SIRPA: variants seen among roughly 807,000 people sequenced by gnomAD.
SIRPA encodes tyrosine-protein phosphatase non-receptor type substrate 1.
In SIRPA, 9 loss-of-function variants were observed where a neutral mutation model predicts 50.3. The ratio of observed to expected loss-of-function variants is 0.18; its 90% CI spans 0.11 to 0.31. The LOEUF is 0.31. SIRPA is among the 10% of genes least tolerant of loss of function. The pLI is 1.00. For missense variants in SIRPA, 474 were observed against 661.6 expected (o/e 0.72, Z 3.11); for synonymous variants, 265 against 284.1 (o/e 0.93, Z 0.68).
In SIRPA at chr20:1,895,524, C is replaced by T; in HGVS notation, c.77C>T (p.Ser26Leu). ...CTGCTCGCCGCGTCCTGCGCCTGGT[C>T]AGGTAAGCACCCCCCCGCTCCCCAC... ...CLLLAASCAW[S>L]GVAGEEELQV... is the part of the protein sequence containing the mutation. The change falls in exon 1 of 8, where the codon TCA becomes TTA. Residue 26 changes from serine (S) to leucine (L), a missense_variant and splice_region_variant. Ser to Leu is a moderately radical substitution (Grantham distance 145, BLOSUM62 -2). Around this residue, in one of 4 missense-constraint regions of SIRPA, gnomAD observed 72 missense variants for 76.2 expected, o/e 0.94. Coordinates refer to ENST00000358771, the MANE Select transcript of SIRPA (RefSeq NM_001040023.2). The T allele has an allele frequency of 6.9e-7, 1 of 1,452,972 alleles. No individual in the cohort carries two copies. Among genetic ancestry groups the T allele is most frequent in the Middle Eastern group, 1.8e-4 (1 of 5,454 alleles). 90.0% of individuals were successfully genotyped at this position (1,452,972 alleles called of 1,614,324 possible). A position where few individuals can be genotyped will look rare whatever the true frequency, so the allele number is the denominator to read the frequency against.
At chr20:1,905,858 C>T (rs1487179423) in intron 1 of SIRPA, among the ~76,000 whole-genome samples, 1 of 152,244 alleles carries the variant, frequency 6.6e-6, no homozygotes, top group Non-Finnish European at 1.5e-5. Context: ...GCAAATGCTC[C>T]ATAGGGCTCC....
At chr20:1,909,814 T>C (rs1984781250) in intron 1 of SIRPA, among the ~76,000 whole-genome samples, 1 of 152,200 alleles carries the variant, frequency 6.6e-6, no homozygotes, top group Admixed American at 6.5e-5. Context: ...TGCTAATTTT[T>C]TTCACCCTTT....
At position 1,938,022 on chromosome 20, in the gene SIRPA, A is replaced by G. The variant is rs945362149; in HGVS notation, c.*454A>G. 2.4e-5 allele frequency: 3 copies of G among 125,300 alleles called. No individual in the cohort carries two copies. The highest frequency in any genetic ancestry group is 4.6e-5 in the Non-Finnish European group (3 of 64,528). The allele number at this position is 125,300 out of a possible 1,614,324, so 7.8% of individuals were successfully genotyped here. ...CACCACCACCACCACTACCACCACCACCCAACTGGGGCTAGAGTGGGGAAG... is the reference window on the plus strand; with the variant it reads ...CACCACCACCACCACTACCACCACCGCCCAACTGGGGCTAGAGTGGGGAAG... On this transcript the variant is annotated 3_prime_UTR_variant, in exon 8 of 8. Coordinates refer to ENST00000358771, the MANE Select transcript of SIRPA (RefSeq NM_001040023.2).
intron 2 of SIRPA, among the ~76,000 whole-genome samples, chr20:1,920,600 A>G (rs1286940538): frequency 6.6e-6 from 1 of 152,216 alleles, no homozygotes; most frequent in Non-Finnish European, 1.5e-5. Flanking sequence ...TTTAGTGTCT[A>G]TCTAAAACTG....
At chr20:1,929,459 G>A (rs1288926486) in intron 6 of SIRPA, among the ~76,000 whole-genome samples, 2 of 152,126 alleles carry the variant, frequency 1.3e-5, no homozygotes, top group African/African-American at 4.8e-5. Context: ...CTGAGTTGGG[G>A]GGTGCAGGTG....
Position 1,927,793 on chromosome 20 carries a change from C to G in SIRPA, c.1202-82C>G. ...CATTTCCTCTCCATGTCCCTGGAGG[C>G]AAACCTTTTGCCAAAAAATAGTTAC... On this transcript the variant is annotated intron_variant, in intron 5 of 7. Transcript: ENST00000358771. This position sits in a 1 kb window ranked among gnomAD's most constrained non-coding sequence, Gnocchi z 6.5. 1 of 1,321,430 alleles carries G rather than the reference C, an allele frequency of 7.6e-7. No individual in the cohort carries two copies. Among genetic ancestry groups the G allele is most frequent in the Non-Finnish European group, 1.1e-6 (1 of 913,528 alleles). The allele number at this position is 1,321,430 out of a possible 1,614,324, so 81.9% of individuals were successfully genotyped here. A position where few individuals can be genotyped will look rare whatever the true frequency, so the allele number is the denominator to read the frequency against.
rs1986766208 is a variant in SIRPA at position 1,939,402 on chromosome 20, A to G, written c.*1834A>G. ...ATCCAGGAATTAGCTGAGCCAACAG[A>G]CCATGTGGACAGCTTTGGCCAGAGC... On this transcript the variant is annotated 3_prime_UTR_variant, in exon 8 of 8. Coordinates refer to ENST00000358771, the MANE Select transcript of SIRPA (RefSeq NM_001040023.2). The surrounding 1 kb of genome is among the most constrained non-coding windows in gnomAD (Gnocchi z 4.7). 1 of 152,168 alleles carries G rather than the reference A, an allele frequency of 6.6e-6. No homozygotes were observed. The highest frequency in any genetic ancestry group is 1.5e-5 in the Non-Finnish European group (1 of 68,018). The allele number at this position is 152,168 out of a possible 1,614,324, so 9.4% of individuals were successfully genotyped here.
intron 5 of SIRPA, among the ~76,000 whole-genome samples, chr20:1,926,243 C>T (rs890487191): frequency 6.6e-6 from 1 of 152,272 alleles, no homozygotes; most frequent in South Asian, 2.1e-4. Context: ...AGACGTCTAC[C>T]CAATGGGTTC....
At chr20:1,905,577 G>A (rs1001293160) in intron 1 of SIRPA, among the ~76,000 whole-genome samples, 2 of 152,158 alleles carry the variant, frequency 1.3e-5, no homozygotes, top group Non-Finnish European at 2.9e-5. Flanking sequence ...AGATTGGGAG[G>A]ACCTCCCAAC....
At chr20:1,913,562 G>A (rs1283815221) in intron 1 of SIRPA, among the ~76,000 whole-genome samples, 2 of 152,174 alleles carry the variant, frequency 1.3e-5, no homozygotes, top group Non-Finnish European at 2.9e-5. Flanking sequence ...GTCACATGAA[G>A]GGTCAGTGGA....
intron 1 of SIRPA, among the ~76,000 whole-genome samples, chr20:1,903,022 A>AG (rs1281619736): frequency 3.6e-4 from 50 of 139,406 alleles, no homozygotes; most frequent in African/African-American, 1.3e-3. Flanking sequence ...AAAAAAAAAA[A>AG]AAAAAAAAAA....
In SIRPA at chr20:1,937,442, G is replaced by A. The variant is rs200783814; in HGVS notation, c.1389G>A (p.Ala463=). 486 of 1,614,080 alleles carry A rather than the reference G, an allele frequency of 3.0e-4. 1 individual carries two copies. Among genetic ancestry groups the A allele is most frequent in the Middle Eastern group, 1.3e-3 (8 of 6,062 alleles). Residue 463 remains alanine, a synonymous_variant, in exon 8 of 8, where the codon GCG becomes GCA. Transcript: ENST00000358771. The surrounding 1 kb of genome is among the most constrained non-coding windows in gnomAD (Gnocchi z 8.3). The part of the protein sequence containing the change: ...YASIQTSPQP[A]SEDTLTYADL... ...GCATTCAGACCAGCCCGCAGCCCGC[G>A]TCGGAGGACACCCTCACCTATGCTG...
chr20:1,908,706 T>C (rs545615747), intron 1 of SIRPA, among the ~76,000 whole-genome samples: 20 of 152,340 alleles, frequency 1.3e-4, no homozygotes, highest in Admixed American at 1.3e-3. Flanking sequence ...CACACTCATG[T>C]TCACATGTTC....
At chr20:1,919,287 G>A (rs1422483908) in intron 2 of SIRPA, among the ~76,000 whole-genome samples, 1 of 152,262 alleles carries the variant, frequency 6.6e-6, no homozygotes, top group African/African-American at 2.4e-5. Context: ...GGCATCTAAA[G>A]TTTTTAATTA....
At position 1,933,398 on chromosome 20, in the gene SIRPA, G is replaced by GCCCC. The variant is rs1170841693; in HGVS notation, c.1227-1315_1227-1314insCCCC. Among the ~76,000 whole-genome samples the GCCCC allele has an allele frequency of 7.6e-5, 9 of 119,114 alleles. No individual in the cohort carries two copies. The highest frequency in any genetic ancestry group is 1.0e-4 in the African/African-American group (3 of 29,020). The allele number at this position is 119,114 out of a possible 152,430, so 78.1% of individuals were successfully genotyped here. A position where few individuals can be genotyped will look rare whatever the true frequency, so the allele number is the denominator to read the frequency against. ...AAGCATGAAGTACATAACATCAAAT[G>GCCCC]CCACCCCCCCCCCGAAATATCTGGT... is the stretch of plus-strand genomic sequence containing the variant. On this transcript the variant is annotated intron_variant, in intron 6 of 7. Transcript: ENST00000358771. The surrounding 1 kb of genome is among the most constrained non-coding windows in gnomAD (Gnocchi z 4.4).
rs921703010 is a variant in SIRPA at position 1,934,259 on chromosome 20, CTTGACAAATGCCTTTGTG to C, written c.1227-451_1227-434del. Among the ~76,000 whole-genome samples the C allele has an allele frequency of 6.6e-6, 1 of 152,182 alleles. No individual in the cohort carries two copies. Among genetic ancestry groups the C allele is most frequent in the Non-Finnish European group, 1.5e-5 (1 of 68,022 alleles). On this transcript the variant is annotated intron_variant, in intron 6 of 7. Transcript: ENST00000358771. This position sits in a 1 kb window ranked among gnomAD's most constrained non-coding sequence, Gnocchi z 4.6. ...CATAAACCTCCTCCCCCATCCAGCC[CTTGACAAATGCCTTTGTG>C]TTGAAAGCTTTTTCTATATTTTGAA... is the stretch of plus-strand genomic sequence containing the variant.
chr20:1,899,375 G>A (rs1984028002), intron 1 of SIRPA, among the ~76,000 whole-genome samples: 1 of 152,116 alleles, frequency 6.6e-6, no homozygotes, highest in Non-Finnish European at 1.5e-5. Flanking sequence ...AGCCACACGA[G>A]CACCCCAAAG....
rs1007066262 is a variant in SIRPA, at chr20:1,933,829, C to T, written c.1227-886C>T. On this transcript the variant is annotated intron_variant, in intron 6 of 7. Transcript: ENST00000358771. This position sits in a 1 kb window ranked among gnomAD's most constrained non-coding sequence, Gnocchi z 4.4. ...GCTCTGGTTTGCTCATCACCTTGAC[C>T]GTGACCCTCCAGTGAGTCAAGTCAT... Among the ~76,000 whole-genome samples the T allele has an allele frequency of 1.3e-5, 2 of 152,208 alleles. No homozygotes were observed. Among genetic ancestry groups the T allele is most frequent in the African/African-American group, 2.4e-5 (1 of 41,454 alleles).
At chr20:1,896,676 A>T (rs915934554) in intron 1 of SIRPA, among the ~76,000 whole-genome samples, 2 of 152,038 alleles carry the variant, frequency 1.3e-5, no homozygotes, top group Non-Finnish European at 2.9e-5. Flanking sequence ...GAGAACTAGC[A>T]AAGAGTGGGT....
Sources: gnomAD v4.1 joint callset for allele counts (sites outside exome capture counted in the v4.1 genomes callset) on GRCh38, gnomAD v4.1.1 for gene constraint, gnomAD v4.1.1 regional missense constraint, Gnocchi (gnomAD v3.1) non-coding constraint, MANE v1.5 for transcripts, NCBI Gene and HGNC (gene_info 2026-07-23, HGNC 2026-07-21) for gene names.